Variants in VCL observed in about 807,000 individuals in gnomAD.
The protein encoded by VCL is vinculin.
In VCL, 47 loss-of-function variants were observed where a neutral mutation model predicts 125.7. The ratio of observed to expected loss-of-function variants is 0.37; its 90% confidence interval spans 0.30 to 0.48. VCL has a LOEUF of 0.48. Ranked by LOEUF, VCL falls within the 20% of genes least tolerant of loss-of-function variation. VCL has a pLI of 0.99. For synonymous variants in VCL, 458 were observed against 514.6 expected (o/e 0.89, Z 1.49); for missense variants, 1,069 against 1,455.5 (o/e 0.73, Z 4.32).
chr10:74,111,104 C>G (rs1049947745), intron 18 of VCL, among the ~76,000 whole-genome samples: 2 of 152,108 alleles, frequency 1.3e-5, no homozygotes, highest in East Asian at 3.9e-4. Flanking sequence ...GTGGTACTAG[C>G]AATGGATGCA....
At chr10:74,037,397 C>G (rs1001529208) in intron 1 of VCL, among the ~76,000 whole-genome samples, 1 of 152,212 alleles carries the variant, frequency 6.6e-6, no homozygotes, top group Non-Finnish European at 1.5e-5. Context: ...TCAAATAGGA[C>G]ATACCTTTCT....
intron 1 of VCL, among the ~76,000 whole-genome samples, chr10:74,037,550 G>A (rs1014668515): frequency 6.6e-6 from 1 of 152,178 alleles, no homozygotes; most frequent in Non-Finnish European, 1.5e-5. Context: ...AATCCTCTCT[G>A]CCTTCACTTA....
At position 74,060,266 on chromosome 10, in the gene VCL, C is replaced by T. The variant is rs143856775; in HGVS notation, c.240-10404C>T. On this transcript the variant is annotated intron_variant, in intron 2 of 21. Coordinates refer to ENST00000211998, the MANE Select transcript of VCL (RefSeq NM_014000.3). Reference sequence around the variant, plus strand: ...GCTACAGTGAGCTGTGATGGTACCACTGCACTCCACCCTGGGTAACAGAGC... The same window carrying T: ...GCTACAGTGAGCTGTGATGGTACCATTGCACTCCACCCTGGGTAACAGAGC... Among the ~76,000 whole-genome samples, 243 of 152,214 alleles carry T rather than the reference C, an allele frequency of 1.6e-3. 2 individuals are homozygous for T. In the East Asian group the frequency reaches 0.035, roughly 22 times the overall value.
In VCL at chr10:74,009,267, AT is replaced by A. The variant is rs1193170220; in HGVS notation, c.168+10901del. Among the ~76,000 whole-genome samples, 27 of 27,188 alleles carry A rather than the reference AT, an allele frequency of 9.9e-4. No individual in the cohort carries two copies. The South Asian group carries it at 0.026, about 26-fold the overall frequency. The allele number at this position is 27,188 out of a possible 152,430, so 17.8% of individuals were successfully genotyped here. ...GTATTTAATTCTGTTTTTTATTTTT[AT>A]TTTTTTTTGAGACGGAGTCTCGCTC... On this transcript the variant is annotated intron_variant, in intron 1 of 21. Coordinates refer to ENST00000211998, the MANE Select transcript of VCL (RefSeq NM_014000.3).
intron 8 of VCL, among the ~76,000 whole-genome samples, chr10:74,088,884 C>T (rs1350825981): frequency 6.6e-6 from 1 of 152,204 alleles, no homozygotes; most frequent in Non-Finnish European, 1.5e-5. Flanking sequence ...ATCACCAGCA[C>T]ATTTTCCCAC....
intron 1 of VCL, among the ~76,000 whole-genome samples, chr10:74,023,371 GTCTAGGTTTGTGTAAGTATAC>G (rs1469881791): frequency 1.3e-5 from 2 of 152,182 alleles, no homozygotes; most frequent in East Asian, 3.8e-4. Context: ...AGGCTATACC[GTCTAGGTTTGTGTAAGTATAC>G]TCTATGATGT....
chr10:74,047,525 C>T (rs1412341447), intron 2 of VCL, among the ~76,000 whole-genome samples: 2 of 152,154 alleles, frequency 1.3e-5, no homozygotes, highest in Non-Finnish European at 2.9e-5. Flanking sequence ...GCATGACCGA[C>T]TGAAACTTCC....
Position 74,082,494 on chromosome 10 carries a change from CCAAACT to C in VCL, c.825_830del (p.Lys276_Leu277del). The stretch of plus-strand genomic sequence containing the variant: ...AAGAGAGCATTGGCCTCCATAGACT[CCAAACT>C]GAACCAGGCCAAAGGTTGGCTCCGT... On this transcript the variant is annotated inframe_deletion, in exon 7 of 22. Transcript: ENST00000211998. 1 of 1,614,156 alleles carries C rather than the reference CCAAACT, an allele frequency of 6.2e-7. No individual in the cohort carries two copies. Among genetic ancestry groups the C allele is most frequent in the Non-Finnish European group, 8.5e-7 (1 of 1,180,038 alleles).
intron 6 of VCL, among the ~76,000 whole-genome samples, chr10:74,078,226 A>G (rs1839622521): frequency 6.6e-6 from 1 of 152,114 alleles, no homozygotes; most frequent in African/African-American, 2.4e-5. Context: ...TATTATTCAG[A>G]ATTAGTTCCT....
rs545493791 is a variant in VCL, at chr10:74,026,830, T to C, written c.169-16253T>C. Among the ~76,000 whole-genome samples, 17 of 152,338 alleles carry C rather than the reference T, an allele frequency of 1.1e-4. No homozygotes were observed. In the South Asian group the frequency reaches 2.9e-3, roughly 26 times the overall value. ...CTGCATTCCAAAGCCCCAGTTCTTT[T>C]TCCACTATTCCATTACCTTCCAAGA... On this transcript the variant is annotated intron_variant, in intron 1 of 21. Transcript: ENST00000211998.
Position 74,072,868 on chromosome 10 carries a change from A to C in VCL, c.622+16A>C. On this transcript the variant is annotated intron_variant, in intron 5 of 21. Transcript: ENST00000211998. Reference sequence around the variant, plus strand: ...CTCATTTCAGGTACTTCCTGCCTGTACTTTATTTTATAGGGGGGAAAAATG... The same window carrying C: ...CTCATTTCAGGTACTTCCTGCCTGTCCTTTATTTTATAGGGGGGAAAAATG... 1 of 1,613,648 alleles carries C rather than the reference A, an allele frequency of 6.2e-7. No homozygotes were observed. Among genetic ancestry groups the C allele is most frequent in the Non-Finnish European group, 8.5e-7 (1 of 1,179,852 alleles).
intron 1 of VCL, among the ~76,000 whole-genome samples, chr10:74,021,897 C>T (rs1285909215): frequency 1.3e-5 from 2 of 151,154 alleles, no homozygotes; most frequent in Non-Finnish European, 2.9e-5. Flanking sequence ...TCTTTTTTTC[C>T]TCAAAGCAAC....
chr10:74,104,818 A>G (rs570970107), intron 15 of VCL: 80 of 561,184 alleles, frequency 1.4e-4, no homozygotes, highest in Non-Finnish European at 2.4e-4. Flanking sequence ...AAGGCTGGCA[A>G]CCACGGTTGG....
chr10:74,050,098 G>A (rs180730779), intron 2 of VCL, among the ~76,000 whole-genome samples: 3 of 152,330 alleles, frequency 2.0e-5, no homozygotes, highest in Admixed American at 6.5e-5. Context: ...AGGTGGTCTT[G>A]TGATATGAAC....
At chr10:74,078,453 G>A (rs1407223187) in intron 6 of VCL, among the ~76,000 whole-genome samples, 1 of 152,192 alleles carries the variant, frequency 6.6e-6, no homozygotes, top group Admixed American at 6.6e-5. Flanking sequence ...CTTTCTATGA[G>A]CAAGTGTTCT....
rs1840273371 is a variant in VCL at position 74,114,128 on chromosome 10, C to T, written c.2950-56C>T. 6 of 1,602,558 alleles carry T rather than the reference C, an allele frequency of 3.7e-6. No individual in the cohort carries two copies. In the South Asian group the frequency reaches 6.7e-5, roughly 18 times the overall value. On this transcript the variant is annotated intron_variant, in intron 19 of 21. Coordinates refer to ENST00000211998, the MANE Select transcript of VCL (RefSeq NM_014000.3). ...CTCTTCTCTGTGCTTCTCCTTCCTT[C>T]CTTAACATGGCCAGAGCGTGGGCAG...
intron 2 of VCL, among the ~76,000 whole-genome samples, chr10:74,058,870 A>C (rs1841429712): frequency 6.7e-6 from 1 of 149,610 alleles, no homozygotes. Context: ...TTGCAAGTGC[A>C]TGTTATTTCT....
At chr10:74,003,409 C>T (rs558273809) in intron 1 of VCL, among the ~76,000 whole-genome samples, 1 of 152,252 alleles carries the variant, frequency 6.6e-6, no homozygotes, top group Admixed American at 6.5e-5. Context: ...AGACTGAGTA[C>T]TTTGTAGCAT....
At position 74,089,339 on chromosome 10, in the gene VCL, A is replaced by G. The variant is rs1839840039; in HGVS notation, c.1166A>G (p.Asp389Gly). 3.7e-6 allele frequency: 6 copies of G among 1,613,970 alleles called. No individual in the cohort carries two copies. The highest frequency in any genetic ancestry group is 5.1e-6 in the Non-Finnish European group (6 of 1,179,946). Residue 389 changes from aspartate (D) to glycine (G), a missense_variant, in exon 9 of 22, where the codon GAT becomes GGT. Coordinates refer to ENST00000211998, the MANE Select transcript of VCL (RefSeq NM_014000.3). ...NSKQSIAKKI[D>G]AAQNWLADPN... ...AAGCAGAGCATTGCAAAGAAGATCGATGCTGCTCAGGTAGTCACAGTGATT... is the reference window on the plus strand; with the variant it reads ...AAGCAGAGCATTGCAAAGAAGATCGGTGCTGCTCAGGTAGTCACAGTGATT...
Sources: gnomAD v4.1 joint callset for allele counts (sites outside exome capture counted in the v4.1 genomes callset) on GRCh38, gnomAD v4.1.1 for gene constraint, MANE v1.5 for transcripts, NCBI Gene and HGNC (gene_info 2026-07-23, HGNC 2026-07-21) for gene names.